Variants in CCDC178 observed in about 807,000 individuals in gnomAD.
CCDC178 encodes the protein coiled-coil domain-containing protein 178.
A neutral mutation model predicts 117.4 loss-of-function variants in CCDC178; 126 were observed. That is an observed-to-expected ratio of 1.07 (90% CI 0.93 to 1.24). The LOEUF (loss-of-function observed/expected upper bound fraction) is 1.24. Among genes scored for constraint, CCDC178 ranks in the 50% most tolerant of loss-of-function variants. CCDC178 has a pLI of 0.00. For missense variants in CCDC178, 1,030 were observed against 986.9 expected, an observed-to-expected ratio of 1.04 and a Z score of -0.59; for synonymous variants, 283 against 313.4, an observed-to-expected ratio of 0.90 and a Z score of 1.02.
At chr18:33,190,113 T>C (rs1463752301) in intron 20 of CCDC178, among the ~76,000 whole-genome samples, 1 of 152,182 alleles carries the variant, frequency 6.6e-6, no homozygotes, top group Non-Finnish European at 1.5e-5. Flanking sequence ...GAACTCTCCA[T>C]GAGCCCCCGC....
At chr18:33,359,204 A>C (rs1233230379) in intron 6 of CCDC178, among the ~76,000 whole-genome samples, 1 of 151,824 alleles carries the variant, frequency 6.6e-6, no homozygotes, top group East Asian at 1.9e-4. Context: ...AGTAATAATT[A>C]ATAGTCTCAG....
intron 21 of CCDC178, among the ~76,000 whole-genome samples, chr18:33,032,126 C>G (rs1356466507): frequency 6.6e-6 from 1 of 152,082 alleles, no homozygotes; most frequent in Non-Finnish European, 1.5e-5. Flanking sequence ...TAATGTAGGC[C>G]TCTGGGGTGC....
At chr18:33,125,769 T>C (rs1280850721) in intron 20 of CCDC178, among the ~76,000 whole-genome samples, 2 of 152,194 alleles carry the variant, frequency 1.3e-5, no homozygotes, top group African/African-American at 4.8e-5. Flanking sequence ...TCAGAGCATG[T>C]GACACCTGCT....
intron 2 of CCDC178, among the ~76,000 whole-genome samples, chr18:33,428,939 T>C (rs1183575075): frequency 6.6e-6 from 1 of 151,074 alleles, no homozygotes; most frequent in Non-Finnish European, 1.5e-5. Flanking sequence ...ATTGTAAGCC[T>C]GGTTGAATGG....
intron 14 of CCDC178, among the ~76,000 whole-genome samples, chr18:33,259,650 A>ACC (rs367656339): frequency 2.7e-5 from 4 of 146,108 alleles, no homozygotes; most frequent in African/African-American, 7.5e-5. Flanking sequence ...TGATTCAATC[A>ACC]CCCCCCCCCA....
At chr18:33,438,566 A>T (rs2064325951) in intron 2 of CCDC178, among the ~76,000 whole-genome samples, 1 of 151,384 alleles carries the variant, frequency 6.6e-6, no homozygotes, top group African/African-American at 2.4e-5. Flanking sequence ...ACACACACAC[A>T]ATTTGTGTTA....
chr18:32,974,218 A>C (rs1305375523), intron 22 of CCDC178, among the ~76,000 whole-genome samples: 2 of 152,178 alleles, frequency 1.3e-5, no homozygotes, highest in Non-Finnish European at 2.9e-5. Context: ...AAATCAGCAC[A>C]AGGTATCTTG....
At chr18:33,074,632 G>A (rs1262645742) in intron 21 of CCDC178, among the ~76,000 whole-genome samples, 1 of 152,146 alleles carries the variant, frequency 6.6e-6, no homozygotes, top group South Asian at 2.1e-4. Flanking sequence ...CCAGTGAGGT[G>A]GGAGGAAAAT....
At chr18:33,316,194 A>G (rs2062412802) in intron 11 of CCDC178, among the ~76,000 whole-genome samples, 1 of 152,162 alleles carries the variant, frequency 6.6e-6, no homozygotes, top group Non-Finnish European at 1.5e-5. Context: ...CCAAGGCCGG[A>G]GCCAGCTCCC....
At position 33,365,082 on chromosome 18, in the gene CCDC178, T is replaced by C. The variant is rs149331800; in HGVS notation, c.348+4968A>G. Among the ~76,000 whole-genome samples the C allele has an allele frequency of 1.7e-3, 251 of 152,108 alleles. 3 individuals are homozygous for C. Among genetic ancestry groups the C allele is most frequent in the African/African-American group, 5.9e-3 (245 of 41,540 alleles). ...ACTGATGAATGTTTAGAGAGATTAA[T>C]TGATTAGGCAAGAAACTAAAGGAAA... is the stretch of plus-strand genomic sequence containing the variant. On this transcript the variant is annotated intron_variant, in intron 6 of 22. Transcript: ENST00000383096.
intron 2 of CCDC178, among the ~76,000 whole-genome samples, chr18:33,419,373 T>C (rs935263853): frequency 1.3e-5 from 2 of 152,210 alleles, no homozygotes; most frequent in African/African-American, 4.8e-5. Flanking sequence ...ATTCTGGACA[T>C]AGGCCCTGGC....
intron 9 of CCDC178, 124 bp downstream of exon 9, chr18:33,346,087 A>G (rs933693641): frequency 7.4e-5 from 47 of 633,394 alleles, no homozygotes; most frequent in Non-Finnish European, 1.1e-4. Flanking sequence ...CCAGCCTCCC[A>G]AAGCGTGGGA....
intron 18 of CCDC178, among the ~76,000 whole-genome samples, chr18:33,216,645 T>G (rs2059169198): frequency 6.6e-6 from 1 of 152,068 alleles, no homozygotes; most frequent in Admixed American, 6.6e-5. Context: ...CAACTAATAT[T>G]TTATATTTGT....
chr18:33,286,513 C>T (rs955700382), intron 12 of CCDC178, among the ~76,000 whole-genome samples: 1 of 152,030 alleles, frequency 6.6e-6, no homozygotes, highest in Non-Finnish European at 1.5e-5. Flanking sequence ...AAGGAATTTG[C>T]TTAATTTGAA....
chr18:32,967,907 T>A (rs1024037662), intron 22 of CCDC178, among the ~76,000 whole-genome samples: 7 of 151,606 alleles, frequency 4.6e-5, no homozygotes, highest in Admixed American at 2.0e-4. Context: ...TACCTATTTA[T>A]GGGGTACAAT....
chr18:33,380,445 G>A (rs1176886986), intron 5 of CCDC178, among the ~76,000 whole-genome samples: 2 of 152,278 alleles, frequency 1.3e-5, no homozygotes, highest in South Asian at 4.1e-4. Context: ...TGCTCTCAGT[G>A]CTGAGTCTAA....
intron 21 of CCDC178, among the ~76,000 whole-genome samples, chr18:33,056,587 T>C (rs2056833645): frequency 6.6e-6 from 1 of 152,056 alleles, no homozygotes; most frequent in South Asian, 2.1e-4. Flanking sequence ...ATAATAAAAG[T>C]GAGAAGATTG....
rs1947773046 is a variant in CCDC178, at chr18:33,054,885, C to A, written c.2388+37876G>T. ...ATAGTTGAACAAATTTATACTCCTA[C>A]CAACAGTGTGAAAGTGTTGCTTTTA... is the stretch of plus-strand genomic sequence containing the variant. On this transcript the variant is annotated intron_variant, in intron 21 of 22. Transcript: ENST00000383096. Among the ~76,000 whole-genome samples, 8 of 152,314 alleles carry A rather than the reference C, an allele frequency of 5.3e-5. No individual in the cohort carries two copies. In the South Asian group the frequency reaches 1.7e-3, roughly 32 times the overall value.
intron 20 of CCDC178, among the ~76,000 whole-genome samples, chr18:33,189,309 T>C (rs991838277): frequency 1.3e-5 from 2 of 150,658 alleles, no homozygotes; most frequent in East Asian, 3.9e-4. Context: ...AATAAAGTTA[T>C]AAATAAAGTT....
Sources: gnomAD v4.1 joint callset for allele counts (sites outside exome capture counted in the v4.1 genomes callset) on GRCh38, gnomAD v4.1.1 for gene constraint, MANE v1.5 for transcripts, NCBI Gene and HGNC (gene_info 2026-07-23, HGNC 2026-07-21) for gene names.